Variants in EDIL3 observed in about 807,000 individuals in gnomAD.
EDIL3 encodes EGF like and discoidin domains 3, also known as EGF-like repeat and discoidin I-like domain-containing protein 3.
In EDIL3, 37 loss-of-function variants were observed where a neutral mutation model predicts 67.4. The ratio of observed to expected loss-of-function variants is 0.55; its 90% CI spans 0.42 to 0.72. The LOEUF (loss-of-function observed/expected upper bound fraction) is 0.72, where lower values mean the gene tolerates loss of function less well. EDIL3 is among the 30% of genes least tolerant of loss of function. The probability of loss-of-function intolerance (pLI) is 0.00; values close to 1 mark genes in which losing one functional copy is unlikely to be tolerated. For synonymous variants in EDIL3, 195 were observed against 196.3 expected (o/e 0.99, Z 0.05); for missense variants, 527 against 586.3 (o/e 0.90, Z 1.04).
intron 7 of EDIL3, 43 bp downstream of exon 7, chr5:84,066,408 A>G (rs975082904): frequency 2.6e-6 from 4 of 1,542,064 alleles, no homozygotes; most frequent in Non-Finnish European, 3.5e-6. Flanking sequence ...ATAATTATCA[A>G]TGACATTTTT....
chr5:84,356,746 T>C (rs1029506851), intron 1 of EDIL3, among the ~76,000 whole-genome samples: 5 of 152,158 alleles, frequency 3.3e-5, no homozygotes, highest in Non-Finnish European at 7.3e-5. Flanking sequence ...ATAAATGCAG[T>C]GCTCTTATTT....
chr5:84,203,355 T>A (rs1262859319), intron 3 of EDIL3, among the ~76,000 whole-genome samples: 1 of 152,058 alleles, frequency 6.6e-6, no homozygotes, highest in African/African-American at 2.4e-5. Flanking sequence ...GAATACTTTT[T>A]AAATTTCTTC....
At chr5:84,176,196 AT>A (rs1561453709) in intron 4 of EDIL3, among the ~76,000 whole-genome samples, 28 of 28,926 alleles carry the variant, frequency 9.7e-4, no homozygotes, top group African/African-American at 3.7e-3. Flanking sequence ...ATATATATAT[AT>A]AATATATATA....
At chr5:84,211,852 T>C (rs78684769) in intron 3 of EDIL3, among the ~76,000 whole-genome samples, 1,592 of 152,272 alleles carry the variant, frequency 0.01, 33 homozygotes, top group African/African-American at 0.036. Flanking sequence ...GAAACGAATA[T>C]AGCTGTAGAC....
intron 5 of EDIL3, among the ~76,000 whole-genome samples, chr5:84,119,036 A>T (rs2112296729): frequency 6.6e-6 from 1 of 152,232 alleles, no homozygotes. Context: ...AGTAAATTAT[A>T]TGGCAACCAA....
rs74893775 is a variant in EDIL3 at position 84,239,324 on chromosome 5, T to C, written c.197-9440A>G. 1.9e-3 allele frequency among the ~76,000 whole-genome samples: 284 copies of C among 152,328 alleles called. 1 individual carries two copies. In the East Asian group the frequency reaches 0.029, roughly 15 times the overall value. ...TGGAAACAGTACTCCAGATGTGATC[T>C]AACTAGCACAAAATACAATGGTGTT... On this transcript the variant is annotated intron_variant, in intron 2 of 10. Coordinates refer to ENST00000296591, the MANE Select transcript of EDIL3 (RefSeq NM_005711.5).
intron 3 of EDIL3, among the ~76,000 whole-genome samples, chr5:84,224,445 ATG>A (rs1317104689): frequency 6.6e-6 from 1 of 151,460 alleles, no homozygotes; most frequent in African/African-American, 2.4e-5. Context: ...TCAAATTTAT[ATG>A]TCTTTTTTTT....
intron 5 of EDIL3, among the ~76,000 whole-genome samples, chr5:84,117,208 T>G (rs1457140988): frequency 6.6e-6 from 1 of 151,820 alleles, no homozygotes; most frequent in Non-Finnish European, 1.5e-5. Flanking sequence ...TTTTTTGTAT[T>G]TTTAGTAGAG....
chr5:84,001,921 C>A (rs112699019), intron 9 of EDIL3, among the ~76,000 whole-genome samples: 1 of 151,728 alleles, frequency 6.6e-6, no homozygotes, highest in South Asian at 2.1e-4. Context: ...GCCTGTATTA[C>A]CCAGACACCA....
At chr5:84,251,491 G>C (rs2112072912) in intron 2 of EDIL3, among the ~76,000 whole-genome samples, 1 of 151,158 alleles carries the variant, frequency 6.6e-6, no homozygotes, top group South Asian at 2.1e-4. Flanking sequence ...CCCAATATTA[G>C]TTTTAAAAAT....
At chr5:84,324,053 C>T (rs1475731404) in intron 1 of EDIL3, among the ~76,000 whole-genome samples, 2 of 151,758 alleles carry the variant, frequency 1.3e-5, no homozygotes, top group Non-Finnish European at 2.9e-5. Flanking sequence ...ACAGAATACA[C>T]CAAAAAGATC....
chr5:84,346,135 CTTTTTTTTT>C (rs912729041), intron 1 of EDIL3, among the ~76,000 whole-genome samples: 4 of 122,910 alleles, frequency 3.3e-5, no homozygotes, highest in East Asian at 2.3e-4. Context: ...CTTTTTTTTT[CTTTTTTTTT>C]TTTTTTTTTG....
intron 1 of EDIL3, among the ~76,000 whole-genome samples, chr5:84,257,431 C>G (rs1023383373): frequency 2.0e-5 from 3 of 152,092 alleles, no homozygotes; most frequent in Non-Finnish European, 4.4e-5. Context: ...CTAATACACT[C>G]GAAATTTTCA....
At chr5:84,329,569 T>C (rs1436201929) in intron 1 of EDIL3, among the ~76,000 whole-genome samples, 1 of 152,142 alleles carries the variant, frequency 6.6e-6, no homozygotes, top group Non-Finnish European at 1.5e-5. Context: ...CTGTTGAATA[T>C]ACCACCTGTT....
chr5:84,229,982 G>A (rs547439718), intron 2 of EDIL3, 98 bp from the exon 3 acceptor site: 50 of 1,123,542 alleles, frequency 4.5e-5, no homozygotes, highest in Non-Finnish European at 5.9e-5. Context: ...TATTGAGATT[G>A]AACATAAATA....
chr5:84,262,658 G>GTTTTTTTTTT (rs1561238679), intron 1 of EDIL3, among the ~76,000 whole-genome samples: 1 of 35,480 alleles, frequency 2.8e-5, no homozygotes, highest in East Asian at 7.2e-4. Context: ...AAGGTTGGTT[G>GTTTTTTTTTT]GTTTTTTTTT....
intron 1 of EDIL3, among the ~76,000 whole-genome samples, chr5:84,328,715 C>A (rs1221032632): frequency 1.3e-5 from 2 of 152,006 alleles, no homozygotes; most frequent in Non-Finnish European, 2.9e-5. Flanking sequence ...TGCCTAGTGT[C>A]ATTCCATCAG....
intron 3 of EDIL3, among the ~76,000 whole-genome samples, chr5:84,228,029 G>A (rs1451886556): frequency 6.6e-6 from 1 of 151,968 alleles, no homozygotes; most frequent in Non-Finnish European, 1.5e-5. Context: ...TGTGCCCCCT[G>A]TAACTAAAGT....
At chr5:83,946,229 T>A (rs1040587656) in intron 10 of EDIL3, among the ~76,000 whole-genome samples, 1 of 151,968 alleles carries the variant, frequency 6.6e-6, no homozygotes, top group South Asian at 2.1e-4. Context: ...ATATTTTACA[T>A]GAGAAAGACA....
Sources: allele counts gnomAD v4.1 joint callset (sites outside exome capture counted in the v4.1 genomes callset), GRCh38; gene constraint gnomAD v4.1.1; transcripts MANE v1.5; gene names NCBI Gene and HGNC (gene_info 2026-07-23, HGNC 2026-07-21).